The following SLC38A8 variants were observed in gnomAD, a reference collection of about 807,000 sequenced individuals.
SLC38A8 encodes solute carrier family 38 member 8.
Under a neutral mutation model 46.0 loss-of-function variants are expected in SLC38A8, and 65 were observed. The ratio of observed to expected loss-of-function variants is 1.41; its 90% CI spans 1.16 to 1.74. SLC38A8 has a LOEUF of 1.74. Among genes scored for constraint, SLC38A8 ranks in the 40% most tolerant of loss-of-function variants. The pLI is 0.00. For missense variants in SLC38A8, 998 were observed against 567.9 expected (o/e 1.76, Z -7.70); for synonymous variants, 447 against 243.7 (o/e 1.83, Z -7.77).
intron 9 of SLC38A8, 65 bp downstream of exon 9, chr16:84,016,454 G>C (rs2085026359): frequency 6.4e-7 from 1 of 1,553,594 alleles, no homozygotes; most frequent in Non-Finnish European, 8.8e-7. Flanking sequence ...CCAACACTGG[G>C]AGTCCCCACA....
intron 9 of SLC38A8, among the ~76,000 whole-genome samples, chr16:84,013,989 C>A (rs1235590324): frequency 6.6e-6 from 1 of 151,304 alleles, no homozygotes; most frequent in African/African-American, 2.4e-5. Context: ...AGTGAGGAGC[C>A]GTGTGGCCAC....
chr16:84,013,074 C>T (rs756303937), intron 9 of SLC38A8, 22 bp from the exon 10 acceptor site: 1 of 1,613,864 alleles, frequency 6.2e-7, no homozygotes, highest in South Asian at 1.1e-5. Context: ...ACAGGGTCAC[C>T]CACAGTTCTT....
chr16:84,012,827 A>G lies in SLC38A8; in HGVS notation c.1214+174T>C, dbSNP rs11864037. ...CCCGGTGTTACTGGCCCGGGCTCCT[A>G]TCCTGGCTCAGATGCCCTCATACTG... On this transcript the variant is annotated intron_variant, in intron 10 of 10. Coordinates refer to ENST00000299709, the MANE Select transcript of SLC38A8 (RefSeq NM_001080442.3). Among the ~76,000 whole-genome samples the G allele has an allele frequency of 0.32, 48,377 of 152,138 alleles. 9,678 individuals are homozygous for G. The highest frequency in any genetic ancestry group is 0.57 in the African/African-American group (23,836 of 41,506).
intron 6 of SLC38A8, among the ~76,000 whole-genome samples, 188 bp downstream of exon 6, chr16:84,029,306 C>T (rs1376687573): frequency 1.3e-5 from 2 of 152,212 alleles, no homozygotes; most frequent in Admixed American, 6.5e-5. Flanking sequence ...TGAGCCCAGA[C>T]ACCAACCCAT....
At chr16:84,032,107 C>A in intron 4 of SLC38A8, 139 bp from the exon 5 acceptor site, 2 of 689,710 alleles carry the variant, frequency 2.9e-6, no homozygotes, top group Non-Finnish European at 2.6e-6. Context: ...GCCTCACCAT[C>A]CTCATCTGTA....
At chr16:84,024,101 C>A (rs978337800) in intron 6 of SLC38A8, among the ~76,000 whole-genome samples, 1 of 152,092 alleles carries the variant, frequency 6.6e-6, no homozygotes, top group African/African-American at 2.4e-5. Context: ...CCAGTAACAG[C>A]CCCCCTCCCC....
intron 3 of SLC38A8, 42 bp downstream of exon 3, chr16:84,036,660 T>C: frequency 1.9e-6 from 3 of 1,608,608 alleles, no homozygotes; most frequent in Non-Finnish European, 2.5e-6. Context: ...TCATTAGAGG[T>C]CCGGCACCCT....
intron 5 of SLC38A8, 23 bp downstream of exon 5, chr16:84,031,844 G>T: frequency 6.2e-7 from 1 of 1,608,478 alleles, no homozygotes; most frequent in Non-Finnish European, 8.5e-7. Context: ...CGAGGCTGCC[G>T]GAAGCTGTTC....
intron 3 of SLC38A8, among the ~76,000 whole-genome samples, chr16:84,035,763 G>A (rs115686028): frequency 0.017 from 2,618 of 152,328 alleles, 73 homozygotes; most frequent in African/African-American, 0.061. Flanking sequence ...ATAATAAAAG[G>A]ATATACCTAG....
chr16:84,034,770 C>A (rs553600183), intron 3 of SLC38A8, among the ~76,000 whole-genome samples: 1 of 152,130 alleles, frequency 6.6e-6, no homozygotes, highest in Non-Finnish European at 1.5e-5. Flanking sequence ...AGGACTGCAC[C>A]GAGATCGTGG....
intron 9 of SLC38A8, among the ~76,000 whole-genome samples, chr16:84,015,822 A>G (rs2085018604): frequency 6.6e-6 from 1 of 152,050 alleles, no homozygotes; most frequent in Non-Finnish European, 1.5e-5. Context: ...TCTCCTGCCT[A>G]AGCCTCCTGA....
chr16:84,030,022 G>C (rs2085219701), intron 5 of SLC38A8, among the ~76,000 whole-genome samples: 1 of 152,208 alleles, frequency 6.6e-6, no homozygotes, highest in Admixed American at 6.5e-5. Flanking sequence ...CTGGTTCACA[G>C]CTTCCTTTGA....
chr16:84,014,053 C>T lies in SLC38A8; in HGVS notation c.1163-1001G>A, dbSNP rs529764061. On this transcript the variant is annotated intron_variant, in intron 9 of 10. Coordinates refer to ENST00000299709, the MANE Select transcript of SLC38A8 (RefSeq NM_001080442.3). Reference sequence around the variant, plus strand: ...GCCTGAGGGAAGGGCTGTGTGACCACACTCTCATCTCTGAAAGGCCCGCCC... The same window carrying T: ...GCCTGAGGGAAGGGCTGTGTGACCATACTCTCATCTCTGAAAGGCCCGCCC... Among the ~76,000 whole-genome samples the T allele has an allele frequency of 6.9e-4, 105 of 151,242 alleles. No homozygotes were observed. In the Middle Eastern group the frequency reaches 0.01, roughly 15 times the overall value.
Position 84,031,941 on chromosome 16 carries a change from G to T in SLC38A8, c.558C>A (p.Tyr186Ter). 1.2e-6 allele frequency: 2 copies of T among 1,614,222 alleles called. No homozygotes were observed. The highest frequency in any genetic ancestry group is 1.7e-6 in the Non-Finnish European group (2 of 1,180,038). Residue 186 changes from tyrosine to a stop codon, truncating the protein, a stop_gained, in exon 5 of 11, where the codon TAC (tyrosine) becomes TAA (stop). Coordinates refer to ENST00000299709, the MANE Select transcript of SLC38A8 (RefSeq NM_001080442.3). LOFTEE classifies it high-confidence loss of function. ...TSILGTLAACYLALVITVQYY... is the reference protein window; with the variant it reads ...TSILGTLAAC ...ACTGCACGGTGATGACCAGGGCCAG[G>T]TAACAGGCAGCCAGAGTGCCTAGGA...
chr16:84,031,260 TGA>T, intron 5 of SLC38A8, among the ~76,000 whole-genome samples: 1 of 152,096 alleles, frequency 6.6e-6, no homozygotes, highest in Non-Finnish European at 1.5e-5. Flanking sequence ...AGGTTGGTTT[TGA>T]ACTCCTGACC....
intron 7 of SLC38A8, among the ~76,000 whole-genome samples, chr16:84,021,283 T>A (rs1185578448): frequency 6.6e-6 from 1 of 152,190 alleles, no homozygotes; most frequent in African/African-American, 2.4e-5. Flanking sequence ...CAGGCTGGTC[T>A]CAAAATCCTG....
intron 2 of SLC38A8, among the ~76,000 whole-genome samples, chr16:84,037,422 G>C (rs116679359): frequency 0.031 from 4,648 of 152,300 alleles, 245 homozygotes; most frequent in African/African-American, 0.11. Flanking sequence ...CGTCAGGACT[G>C]AACAAGGTCT....
chr16:84,016,708 A>C lies in SLC38A8; in HGVS notation c.973T>G (p.Trp325Gly). The change falls in exon 9 of 11, where the codon TGG becomes GGG. Residue 325 changes from tryptophan to glycine, a missense_variant. Trp to Gly is a radical substitution (Grantham distance 184). Coordinates refer to ENST00000299709, the MANE Select transcript of SLC38A8 (RefSeq NM_001080442.3). ...CATCCCCCCAAGCAGCTCCTCCTCC[A>C]GAAGTCCTGCATCACTGACCTGGAG... The part of the protein sequence containing the change: ...FLGRSVMQDF[W>G]RRSCLGGWGP... The C allele has an allele frequency of 6.2e-7, 1 of 1,612,886 alleles. No homozygotes were observed. Among genetic ancestry groups the C allele is most frequent in the Non-Finnish European group, 8.5e-7 (1 of 1,179,886 alleles).
At chr16:84,041,551 G>T (rs1178052731) in intron 2 of SLC38A8, among the ~76,000 whole-genome samples, 2 of 152,236 alleles carry the variant, frequency 1.3e-5, no homozygotes, top group Admixed American at 1.3e-4. Flanking sequence ...GACCTCAGGT[G>T]ATCCGTCCAC....
Sources: allele counts gnomAD v4.1 joint callset (sites outside exome capture counted in the v4.1 genomes callset), GRCh38; gene constraint gnomAD v4.1.1; transcripts MANE v1.5; gene names NCBI Gene and HGNC (gene_info 2026-07-23, HGNC 2026-07-21).